The following NIBAN1 variants were observed in gnomAD, a reference collection of about 807,000 sequenced individuals.
NIBAN1 encodes protein Niban 1.
Under a neutral mutation model 75.1 loss-of-function variants are expected in NIBAN1, and 81 were observed. The ratio of observed to expected loss-of-function variants is 1.08; its 90% CI spans 0.90 to 1.30. The LOEUF (loss-of-function observed/expected upper bound fraction) is 1.30, where lower values mean the gene tolerates loss of function less well. Among genes scored for constraint, NIBAN1 ranks in the 50% most tolerant of loss-of-function variants. The pLI is 0.00. For synonymous variants in NIBAN1, 436 were observed against 424.8 expected (o/e 1.03, Z -0.32); for missense variants, 1,133 against 1,128.1 (o/e 1.00, Z -0.06).
At chr1:184,926,265 ACT>A (rs1239110267) in intron 1 of NIBAN1, among the ~76,000 whole-genome samples, 2 of 151,976 alleles carry the variant, frequency 1.3e-5, no homozygotes, top group Non-Finnish European at 2.9e-5. Flanking sequence ...TTAAGACGAG[ACT>A]CACTCTATCG....
At chr1:184,852,546 T>C (rs1483315336) in intron 5 of NIBAN1, among the ~76,000 whole-genome samples, 2 of 152,210 alleles carry the variant, frequency 1.3e-5, no homozygotes, top group Non-Finnish European at 1.5e-5. Context: ...CCTGTGTGAC[T>C]CGAGGTGAGT....
intron 1 of NIBAN1, among the ~76,000 whole-genome samples, chr1:184,930,114 T>C (rs923556455): frequency 6.6e-6 from 1 of 152,216 alleles, no homozygotes; most frequent in Non-Finnish European, 1.5e-5. Flanking sequence ...ATGTGTCTCT[T>C]ACAGACTTTT....
intron 3 of NIBAN1, 110 bp from the exon 4 acceptor site, chr1:184,890,332 C>A: frequency 1.3e-6 from 1 of 742,900 alleles, no homozygotes; most frequent in Non-Finnish European, 2.4e-6. Context: ...ATAGCAATCC[C>A]CATACTATGT....
In NIBAN1 at chr1:184,974,443, G is replaced by A; in HGVS notation, c.-87C>T. On this transcript the variant is annotated 5_prime_UTR_variant, in exon 1 of 14. Coordinates refer to ENST00000367511, the MANE Select transcript of NIBAN1 (RefSeq NM_052966.4). The stretch of plus-strand genomic sequence containing the variant: ...GGAGGTTGATCCGACGGCGAACCCG[G>A]CTCTGAAATTAAGAGCAAACTTCCT... 2 of 1,477,496 alleles carry A rather than the reference G, an allele frequency of 1.4e-6. No individual in the cohort carries two copies. The highest frequency in any genetic ancestry group is 1.2e-5 in the South Asian group (1 of 80,464). 91.5% of individuals were successfully genotyped at this position (1,477,496 alleles called of 1,614,324 possible). A position where few individuals can be genotyped will look rare whatever the true frequency, so the allele number is the denominator to read the frequency against.
intron 5 of NIBAN1, among the ~76,000 whole-genome samples, chr1:184,878,607 C>T (rs941366659): frequency 2.6e-5 from 4 of 152,152 alleles, no homozygotes; most frequent in African/African-American, 7.2e-5. Context: ...AGATATACTC[C>T]AGGTCTCAGG....
chr1:184,818,755 C>T lies in NIBAN1; in HGVS notation c.1056G>A (p.Glu352=). Residue 352 remains glutamate (E), a synonymous_variant, in exon 9 of 14, where the codon GAG becomes GAA. Transcript: ENST00000367511. Reference sequence around the variant, plus strand: ...CCGAGCTCACTGGTCCCATGAGCTCCTCCAGGATGGATGCCAGGAATGGCT... The same window carrying T: ...CCGAGCTCACTGGTCCCATGAGCTCTTCCAGGATGGATGCCAGGAATGGCT... The part of the protein sequence containing the change: ...SVQPFLASIL[E]ELMGPVSSGF... 1 of 1,613,088 alleles carries T rather than the reference C, an allele frequency of 6.2e-7. No individual in the cohort carries two copies. The highest frequency in any genetic ancestry group is 1.7e-4 in the Middle Eastern group (1 of 6,048).
rs141556119 is a variant in NIBAN1 at position 184,972,145 on chromosome 1, T to C, written c.55+2157A>G. Among the ~76,000 whole-genome samples the C allele has an allele frequency of 2.9e-4, 44 of 152,364 alleles. No homozygotes were observed. The East Asian group carries it at 7.9e-3, about 27-fold the overall frequency. ...AGCTACTCTCCTTGTTAGCAAAGTT[T>C]ATCAAGCTTAAAAGAAAGTTATTGT... On this transcript the variant is annotated intron_variant, in intron 1 of 13. Coordinates refer to ENST00000367511, the MANE Select transcript of NIBAN1 (RefSeq NM_052966.4).
intron 9 of NIBAN1, among the ~76,000 whole-genome samples, chr1:184,818,251 T>C (rs931675937): frequency 6.6e-6 from 1 of 152,164 alleles, no homozygotes; most frequent in African/African-American, 2.4e-5. Context: ...GAAAAATATA[T>C]ACCAAGCTAT....
intron 9 of NIBAN1, among the ~76,000 whole-genome samples, chr1:184,812,955 GA>G (rs1405144326): frequency 1.3e-5 from 2 of 152,142 alleles, no homozygotes; most frequent in African/African-American, 2.4e-5. Flanking sequence ...TCAAAAGCCA[GA>G]AACATCAGTC....
intron 3 of NIBAN1, among the ~76,000 whole-genome samples, chr1:184,890,658 G>T (rs772821501): frequency 6.6e-6 from 1 of 152,194 alleles, no homozygotes; most frequent in African/African-American, 2.4e-5. Flanking sequence ...ATGAGACTGT[G>T]GAACACGTAG....
At chr1:184,868,331 C>T (rs941414931) in intron 5 of NIBAN1, 2 of 151,500 alleles carry the variant, frequency 1.3e-5, no homozygotes, top group African/African-American at 4.9e-5. Flanking sequence ...ATCCAGTTAA[C>T]AAAAGAAAAT....
At position 184,971,048 on chromosome 1, in the gene NIBAN1, G is replaced by A. The variant is rs140858620; in HGVS notation, c.55+3254C>T. On this transcript the variant is annotated intron_variant, in intron 1 of 13. Transcript: ENST00000367511. ...TGCCTGTAATCCCAGCACTTTGGGA[G>A]GCCAAGGCGGGAAGACTGCTTGAGC... is the stretch of plus-strand genomic sequence containing the variant. Among the ~76,000 whole-genome samples, 444 of 152,194 alleles carry A rather than the reference G, an allele frequency of 2.9e-3. 2 individuals carry two copies. The highest frequency in any genetic ancestry group is 0.01 in the African/African-American group (433 of 41,502).
chr1:184,936,414 G>T (rs113755447), intron 1 of NIBAN1, among the ~76,000 whole-genome samples: 115 of 152,326 alleles, frequency 7.5e-4, no homozygotes, highest in African/African-American at 2.7e-3. Context: ...TCATGTTCCT[G>T]TATTGTTGCC....
intron 1 of NIBAN1, among the ~76,000 whole-genome samples, chr1:184,965,522 T>C (rs185885390): frequency 3.3e-5 from 5 of 152,324 alleles, no homozygotes; most frequent in Admixed American, 3.3e-4. Context: ...GTCATTATTC[T>C]TAGCAAACTA....
chr1:184,966,019 T>C (rs1488492352), intron 1 of NIBAN1, among the ~76,000 whole-genome samples: 1 of 152,136 alleles, frequency 6.6e-6, no homozygotes, highest in South Asian at 2.1e-4. Flanking sequence ...GAGACATCTT[T>C]TTAAGTGAGT....
At position 184,792,597 on chromosome 1, in the gene NIBAN1, T is replaced by C. The variant is rs1653728203; in HGVS notation, c.*2380A>G. 1 of 152,734 alleles carries C rather than the reference T, an allele frequency of 6.5e-6. No homozygotes were observed. The highest frequency in any genetic ancestry group is 6.5e-5 in the Admixed American group (1 of 15,294). 9.5% of individuals were successfully genotyped at this position (152,734 alleles called of 1,614,324 possible). On this transcript the variant is annotated 3_prime_UTR_variant, in exon 14 of 14. Transcript: ENST00000367511. ...CCTTACTGGGCAGTGCATCTGGCCA[T>C]CTGCCCCTTGGACTTTGGACTTTAC... is the stretch of plus-strand genomic sequence containing the variant.
intron 5 of NIBAN1, among the ~76,000 whole-genome samples, chr1:184,873,867 T>C (rs547969173): frequency 2.6e-5 from 4 of 151,880 alleles, no homozygotes; most frequent in Non-Finnish European, 5.9e-5. Flanking sequence ...CCTAAGAGAG[T>C]ATAGTAAAAG....
intron 1 of NIBAN1, among the ~76,000 whole-genome samples, chr1:184,950,117 C>T (rs1212472015): frequency 1.3e-5 from 2 of 152,090 alleles, no homozygotes; most frequent in Non-Finnish European, 2.9e-5. Flanking sequence ...AAGGTAAGAA[C>T]CCCACCCAAC....
chr1:184,817,014 T>C (rs961731907), intron 9 of NIBAN1, among the ~76,000 whole-genome samples: 7 of 152,304 alleles, frequency 4.6e-5, no homozygotes, highest in African/African-American at 1.7e-4. Context: ...CTCCTAATGC[T>C]ATCCCTCCAC....
Sources: gnomAD v4.1 joint callset for allele counts (sites outside exome capture counted in the v4.1 genomes callset) on GRCh38, gnomAD v4.1.1 for gene constraint, MANE v1.5 for transcripts, NCBI Gene and HGNC (gene_info 2026-07-23, HGNC 2026-07-21) for gene names.